CACNA1E: variants seen among roughly 807,000 people sequenced by gnomAD.
CACNA1E encodes voltage-dependent R-type calcium channel subunit alpha-1E.
A neutral mutation model predicts 259.2 loss-of-function variants in CACNA1E; 40 were observed. The ratio of observed to expected loss-of-function variants is 0.15; its 90% CI spans 0.12 to 0.20. CACNA1E has a LOEUF of 0.20. Ranked by LOEUF, CACNA1E falls within the 10% of genes least tolerant of loss-of-function variation. The pLI, the probability that CACNA1E is intolerant of heterozygous loss-of-function variation, is 1.00. For synonymous variants in CACNA1E, 1,104 were observed against 1,138.5 expected (o/e 0.97, Z 0.61); for missense variants, 1,874 against 3,040.1 (o/e 0.62, Z 9.02).
chr1:181,447,296 G>T (rs1422414217), intron 2 of CACNA1E, among the ~76,000 whole-genome samples: 1 of 152,016 alleles, frequency 6.6e-6, no homozygotes, highest in Non-Finnish European at 1.5e-5. Flanking sequence ...GGAGGCCAAG[G>T]TGGGAGGATC....
Position 181,772,142 on chromosome 1 carries a change from G to A in CACNA1E, c.5050G>A (p.Ala1684Thr), listed in dbSNP as rs373091982. 6.6e-5 allele frequency: 107 copies of A among 1,613,922 alleles called. No homozygotes were observed. Among genetic ancestry groups the A allele is most frequent in the Admixed American group, 8.3e-5 (5 of 60,016 alleles). ...GEKGCEPDTT[A>T]PSGQNENERC... Reference sequence around the variant, plus strand: ...GAAGGGCTGTGAGCCTGACACCACCGCACCATCAGGGCAGAACGAGAACGA... The same window carrying A: ...GAAGGGCTGTGAGCCTGACACCACCACACCATCAGGGCAGAACGAGAACGA... The change falls in exon 37 of 48, where the codon GCA becomes ACA. Residue 1684 changes from alanine to threonine, a missense_variant. This residue lies in a region of CACNA1E where 147 missense variants were observed against 337.1 expected (regional missense o/e 0.44). Coordinates refer to ENST00000367573, the MANE Select transcript of CACNA1E (RefSeq NM_001205293.3).
intron 45 of CACNA1E, 88 bp from the exon 46 acceptor site, chr1:181,794,776 A>T: frequency 8.0e-7 from 1 of 1,246,886 alleles, no homozygotes; most frequent in Non-Finnish European, 1.1e-6. Flanking sequence ...TGCCTTCCTT[A>T]ACGTCTCAGT....
chr1:181,594,689 C>T (rs537525568), intron 6 of CACNA1E, among the ~76,000 whole-genome samples: 2 of 152,314 alleles, frequency 1.3e-5, no homozygotes, highest in South Asian at 4.2e-4. Flanking sequence ...TGAGCCACCG[C>T]ACCTGGCTGC....
At chr1:181,374,307 T>C (rs2251345) in intron 1 of CACNA1E, among the ~76,000 whole-genome samples, 73,593 of 151,934 alleles carry the variant, frequency 0.48, 18,405 homozygotes, top group African/African-American at 0.61. Flanking sequence ...TGTAATTGTA[T>C]GGTTTTGAGA....
intron 3 of CACNA1E, among the ~76,000 whole-genome samples, chr1:181,527,039 G>A (rs528454576): frequency 6.6e-6 from 1 of 152,332 alleles, no homozygotes; most frequent in South Asian, 2.1e-4. Flanking sequence ...TTTTCAATCT[G>A]TTGCTACTTG....
intron 3 of CACNA1E, among the ~76,000 whole-genome samples, chr1:181,517,969 T>G (rs1489249780): frequency 6.6e-6 from 1 of 151,946 alleles, no homozygotes; most frequent in African/African-American, 2.4e-5. Flanking sequence ...ATGATATCAG[T>G]GGGTATTTAT....
At chr1:181,527,382 C>T (rs1312530797) in intron 3 of CACNA1E, among the ~76,000 whole-genome samples, 1 of 152,186 alleles carries the variant, frequency 6.6e-6, no homozygotes, top group Non-Finnish European at 1.5e-5. Context: ...CCAAATATCA[C>T]ATTGGGGATT....
intron 7 of CACNA1E, among the ~76,000 whole-genome samples, chr1:181,665,105 T>C (rs1572532695): frequency 6.6e-6 from 1 of 151,992 alleles, no homozygotes; most frequent in East Asian, 1.9e-4. Context: ...TGCTCTAACT[T>C]AGTATAGGTA....
At position 181,733,005 on chromosome 1, in the gene CACNA1E, C is replaced by T; in HGVS notation, c.2919C>T (p.Ile973=). Residue 973 remains isoleucine, a synonymous_variant, in exon 20 of 48, where the codon ATC becomes ATT. Transcript: ENST00000367573. ...RGNHGAKEPT[I]QEERAQDLRR... Reference sequence around the variant, plus strand: ...ACCATGGTGCCAAGGAGCCAACGATCCAAGAAGAGAGAGCCCAGGATTTAA... The same window carrying T: ...ACCATGGTGCCAAGGAGCCAACGATTCAAGAAGAGAGAGCCCAGGATTTAA... 3.1e-6 allele frequency: 5 copies of T among 1,609,968 alleles called. No homozygotes were observed. Among genetic ancestry groups the T allele is most frequent in the Non-Finnish European group, 4.2e-6 (5 of 1,178,064 alleles).
At chr1:181,540,264 C>T (rs1668482977) in intron 3 of CACNA1E, among the ~76,000 whole-genome samples, 1 of 152,184 alleles carries the variant, frequency 6.6e-6, no homozygotes, top group Non-Finnish European at 1.5e-5. Context: ...CCTGTATCCT[C>T]ATCTCCCAAA....
intron 2 of CACNA1E, among the ~76,000 whole-genome samples, chr1:181,440,251 G>A (rs549813442): frequency 3.3e-5 from 5 of 152,200 alleles, no homozygotes; most frequent in South Asian, 2.1e-4. Flanking sequence ...ATGAAGGAGC[G>A]AAGAATGGAA....
At chr1:181,324,710 T>A (rs1350487381) in intron 1 of CACNA1E, among the ~76,000 whole-genome samples, 1 of 152,196 alleles carries the variant, frequency 6.6e-6, no homozygotes, top group African/African-American at 2.4e-5. Flanking sequence ...TTGCCACTAC[T>A]GGGCTTTCCT....
intron 1 of CACNA1E, among the ~76,000 whole-genome samples, chr1:181,400,617 T>C (rs1223344139): frequency 6.6e-6 from 1 of 152,124 alleles, no homozygotes; most frequent in Non-Finnish European, 1.5e-5. Context: ...AAGGTCCCCG[T>C]GCCCCTCTTT....
Position 181,381,167 on chromosome 1 carries a change from C to CA in CACNA1E, c.-14-31952dup, listed in dbSNP as rs58534581. On this transcript the variant is annotated intron_variant, in intron 1 of 11. Transcript: ENST00000524607. ...GGGCACCAAGAGTGAGACTCCATCT[C>CA]AAAAAAAAAAAAAATGTCCATATAA... Among the ~76,000 whole-genome samples, 615 of 115,428 alleles carry CA rather than the reference C, an allele frequency of 5.3e-3. 5 individuals are homozygous for CA. The highest frequency in any genetic ancestry group is 9.3e-3 in the Middle Eastern group (2 of 216). The allele number at this position is 115,428 out of a possible 152,430, so 75.7% of individuals were successfully genotyped here. A position where few individuals can be genotyped will look rare whatever the true frequency, so the allele number is the denominator to read the frequency against.
chr1:181,464,851 T>C (rs1662057069), intron 2 of CACNA1E, among the ~76,000 whole-genome samples: 1 of 152,160 alleles, frequency 6.6e-6, no homozygotes, highest in Non-Finnish European at 1.5e-5. Context: ...ACCTTACCTC[T>C]GACCATCCTG....
chr1:181,688,427 A>G (rs886552155), intron 7 of CACNA1E, among the ~76,000 whole-genome samples: 2 of 152,180 alleles, frequency 1.3e-5, no homozygotes, highest in African/African-American at 4.8e-5. Context: ...TGCAAGTGAC[A>G]TTGCTATGAA....
intron 1 of CACNA1E, among the ~76,000 whole-genome samples, chr1:181,506,024 C>A (rs1320937018): frequency 6.6e-6 from 1 of 152,144 alleles, no homozygotes; most frequent in Admixed American, 6.6e-5. Flanking sequence ...ATCTGGATAC[C>A]AGGGATAGAT....
intron 3 of CACNA1E, among the ~76,000 whole-genome samples, chr1:181,575,225 A>C (rs1315082306): frequency 6.6e-6 from 1 of 152,214 alleles, no homozygotes; most frequent in African/African-American, 2.4e-5. Flanking sequence ...CCAGGACAGC[A>C]CAAGGCCACA....
At chr1:181,470,059 G>A (rs535765110) in intron 2 of CACNA1E, among the ~76,000 whole-genome samples, 2 of 151,898 alleles carry the variant, frequency 1.3e-5, no homozygotes, top group East Asian at 1.9e-4. Flanking sequence ...GAGAGTGAGA[G>A]AGAGAGAGTG....
Sources: gnomAD v4.1 joint callset for allele counts (sites outside exome capture counted in the v4.1 genomes callset) on GRCh38, gnomAD v4.1.1 for gene constraint, gnomAD v4.1.1 regional missense constraint, MANE v1.5 for transcripts, NCBI Gene and HGNC (gene_info 2026-07-23, HGNC 2026-07-21) for gene names.